GIPC2: variants seen among roughly 807,000 people sequenced by gnomAD.
GIPC2 encodes the protein GIPC PDZ domain containing family member 2, also known as PDZ domain-containing protein GIPC2.
Under a neutral mutation model 30.6 loss-of-function variants are expected in GIPC2, and 30 were observed. That is an observed-to-expected ratio of 0.98 (90% CI 0.73 to 1.33). The LOEUF is 1.33. GIPC2 is among the 40% of genes most tolerant of loss of function. The pLI, the probability that GIPC2 is intolerant of heterozygous loss-of-function variation, is 0.00. For missense variants in GIPC2, 414 were observed against 390.3 expected (o/e 1.06, Z -0.51); for synonymous variants, 167 against 150.0 (o/e 1.11, Z -0.83).
chr1:78,045,040 A>C (rs1661042720), upstream of GIPC2: 1 of 973,352 alleles, frequency 1.0e-6, no homozygotes, highest in East Asian at 1.1e-4. Context: ...AGGAGAGGTA[A>C]GGAAGCCAAA....
intron 2 of GIPC2, among the ~76,000 whole-genome samples, chr1:78,085,643 C>T (rs1265230619): frequency 6.6e-6 from 1 of 150,600 alleles, no homozygotes; most frequent in Non-Finnish European, 1.5e-5. Flanking sequence ...CTGGTTCAGT[C>T]TTGGGAGAGT....
intron 2 of GIPC2, among the ~76,000 whole-genome samples, chr1:78,084,006 A>G (rs1046716367): frequency 3.9e-5 from 6 of 152,116 alleles, no homozygotes; most frequent in Admixed American, 6.5e-5. Context: ...CACTGAAGTC[A>G]AGTTCTGGTG....
chr1:78,082,401 G>T (rs897944839), intron 2 of GIPC2, among the ~76,000 whole-genome samples: 7 of 152,076 alleles, frequency 4.6e-5, no homozygotes, highest in Non-Finnish European at 1.0e-4. Context: ...TGGGACTTTC[G>T]CTACCCACTT....
intron 1 of GIPC2, among the ~76,000 whole-genome samples, chr1:78,050,538 A>G (rs1661176650): frequency 1.3e-5 from 2 of 152,204 alleles, no homozygotes; most frequent in Non-Finnish European, 2.9e-5. Context: ...AGTAAAAAGA[A>G]AAAAAACCCT....
At chr1:78,128,648 A>G (rs190823480) in intron 5 of GIPC2, among the ~76,000 whole-genome samples, 3 of 152,328 alleles carry the variant, frequency 2.0e-5, no homozygotes, top group African/African-American at 7.2e-5. Flanking sequence ...TTTTACATAT[A>G]CATACACACA....
chr1:78,133,724 A>G (rs1662944822), intron 5 of GIPC2, among the ~76,000 whole-genome samples: 1 of 151,078 alleles, frequency 6.6e-6, no homozygotes, highest in Admixed American at 6.6e-5. Flanking sequence ...TTAAAGATAA[A>G]CATTGGTTAC....
intron 3 of GIPC2, among the ~76,000 whole-genome samples, chr1:78,105,236 T>C (rs1212502938): frequency 6.6e-6 from 1 of 152,148 alleles, no homozygotes; most frequent in African/African-American, 2.4e-5. Context: ...CTTTGTAAGC[T>C]ATATTTTTCA....
chr1:78,077,764 A>C (rs900425806), intron 1 of GIPC2, among the ~76,000 whole-genome samples: 1 of 152,160 alleles, frequency 6.6e-6, no homozygotes, highest in South Asian at 2.1e-4. Context: ...CTTCACTGTT[A>C]GTTTTATTGT....
chr1:78,050,657 G>C (rs956074659), intron 1 of GIPC2, among the ~76,000 whole-genome samples: 4 of 147,534 alleles, frequency 2.7e-5, no homozygotes, highest in African/African-American at 1.0e-4. Context: ...TTTTTGTGAC[G>C]GGAGTCTCGC....
At chr1:78,076,630 G>T (rs1661721942) in intron 1 of GIPC2, among the ~76,000 whole-genome samples, 1 of 152,170 alleles carries the variant, frequency 6.6e-6, no homozygotes, top group Admixed American at 6.5e-5. Flanking sequence ...TTGCCTGCCT[G>T]CTACTCACCT....
chr1:78,117,786 C>A (rs1482042029), intron 3 of GIPC2, among the ~76,000 whole-genome samples: 1 of 152,130 alleles, frequency 6.6e-6, no homozygotes, highest in South Asian at 2.1e-4. Context: ...AAATTAGTAT[C>A]CTGTGGTTGG....
At chr1:78,122,157 C>A (rs922466987) in intron 4 of GIPC2, among the ~76,000 whole-genome samples, 25 of 152,170 alleles carry the variant, frequency 1.6e-4, no homozygotes, top group Admixed American at 4.6e-4. Context: ...ATCTAAAAAT[C>A]TATTCCTATT....
At chr1:78,085,552 GC>G (rs1042880505) in intron 2 of GIPC2, among the ~76,000 whole-genome samples, 30 of 148,882 alleles carry the variant, frequency 2.0e-4, no homozygotes, top group African/African-American at 7.4e-4. Context: ...CAGGTTCTAG[GC>G]TTTTTTTTTT....
At chr1:78,055,877 C>G (rs76877249) in intron 1 of GIPC2, among the ~76,000 whole-genome samples, 2 of 152,124 alleles carry the variant, frequency 1.3e-5, no homozygotes, top group Non-Finnish European at 2.9e-5. Context: ...TTTAGGGGAA[C>G]GTAAATGGCA....
At chr1:78,121,934 T>C (rs942527500) in intron 4 of GIPC2, among the ~76,000 whole-genome samples, 2 of 152,176 alleles carry the variant, frequency 1.3e-5, no homozygotes, top group African/African-American at 4.8e-5. Flanking sequence ...TGCTGGAGGC[T>C]GTGAGGAAAA....
chr1:78,079,769 A>G (rs746787850), intron 1 of GIPC2, among the ~76,000 whole-genome samples: 4 of 152,198 alleles, frequency 2.6e-5, no homozygotes, highest in Admixed American at 6.5e-5. Context: ...GGGCCCCACA[A>G]GTTACCCAGA....
chr1:78,049,966 G>A (rs1661165983), intron 1 of GIPC2, among the ~76,000 whole-genome samples: 1 of 148,318 alleles, frequency 6.7e-6, no homozygotes, highest in South Asian at 2.1e-4. Context: ...GTGTGATCGT[G>A]GCTCACTGCA....
intron 3 of GIPC2, chr1:78,112,452 G>A (rs748496073): frequency 7.7e-6 from 4 of 518,862 alleles, no homozygotes; most frequent in African/African-American, 7.7e-5. Context: ...TGAGCAACTT[G>A]GATACAGCAG....
chr1:78,091,576 C>T, intron 2 of GIPC2: 1 of 758,946 alleles, frequency 1.3e-6, no homozygotes, highest in Non-Finnish European at 2.5e-6. Flanking sequence ...ACCTCTCGGC[C>T]AAGTCCTTCG....
Sources: allele counts gnomAD v4.1 joint callset (sites outside exome capture counted in the v4.1 genomes callset), GRCh38; gene constraint gnomAD v4.1.1; transcripts MANE v1.5; gene names NCBI Gene and HGNC (gene_info 2026-07-23, HGNC 2026-07-21).